Variants in RBFA observed in about 807,000 individuals in gnomAD.
The protein encoded by RBFA is ribosome binding factor A, also known as putative ribosome-binding factor A, mitochondrial.
In RBFA, 16 loss-of-function variants were observed where a neutral mutation model predicts 27.9. That is an observed-to-expected ratio of 0.57 (90% CI 0.39 to 0.87). RBFA has a LOEUF of 0.87. Among genes scored for constraint, RBFA ranks in the 40% least tolerant of loss-of-function variants. RBFA has a pLI of 0.00. For missense variants in RBFA, 456 were observed against 432.1 expected (o/e 1.06, Z -0.49); for synonymous variants, 181 against 181.0 (o/e 1.00, Z 0.00).
At chr18:80,045,126 A>G (rs541502382) in intron 6 of RBFA, among the ~76,000 whole-genome samples, 48 of 152,280 alleles carry the variant, frequency 3.2e-4, no homozygotes, top group African/African-American at 1.2e-3. Context: ...TAGACTCTTC[A>G]TGAAGGCGAA....
At chr18:80,040,017 C>A (rs942982213) in intron 4 of RBFA, among the ~76,000 whole-genome samples, 3 of 152,050 alleles carry the variant, frequency 2.0e-5, no homozygotes, top group Non-Finnish European at 4.4e-5. Flanking sequence ...TCAAGTGATT[C>A]TCATGCCTCA....
rs756693098 is a variant in RBFA, at chr18:80,045,769, C to G, written c.651-5C>G. The G allele has an allele frequency of 3.3e-6, 5 of 1,510,990 alleles. No homozygotes were observed. In the African/African-American group the frequency reaches 7.0e-5, roughly 21 times the overall value. The allele number at this position is 1,510,990 out of a possible 1,614,324, so 93.6% of individuals were successfully genotyped here. A position where few individuals can be genotyped will look rare whatever the true frequency, so the allele number is the denominator to read the frequency against. Reference sequence around the variant, plus strand: ...CTTGGTGTGAAGCCTCTTCTTCCTTCCCAGGGACCCTGATGCCCCACAACC... The same window carrying G: ...CTTGGTGTGAAGCCTCTTCTTCCTTGCCAGGGACCCTGATGCCCCACAACC... On this transcript the variant is annotated splice_polypyrimidine_tract_variant and splice_region_variant and intron_variant, in intron 6 of 6. Transcript: ENST00000306735.
chr18:80,036,288 G>T (rs533557700), intron 1 of RBFA, among the ~76,000 whole-genome samples: 1 of 152,080 alleles, frequency 6.6e-6, no homozygotes. Context: ...CCATCCATTT[G>T]CTTAATTGTT....
At position 80,046,403 on chromosome 18, in the gene RBFA, A is replaced by T; in HGVS notation, c.*248A>T. 1 of 503,346 alleles carries T rather than the reference A, an allele frequency of 2.0e-6. No homozygotes were observed. Among genetic ancestry groups the T allele is most frequent in the Non-Finnish European group, 3.5e-6 (1 of 282,302 alleles). 31.2% of individuals were successfully genotyped at this position (503,346 alleles called of 1,614,324 possible). A position where few individuals can be genotyped will look rare whatever the true frequency, so the allele number is the denominator to read the frequency against. On this transcript the variant is annotated 3_prime_UTR_variant, in exon 7 of 7. Transcript: ENST00000306735. ...AGATTCTCACAAAAAGAAAATGGTA[A>T]AATAGTGTCTCTGAGATGCTGGCAT...
At chr18:80,044,560 T>A (rs1252543156) in intron 6 of RBFA, among the ~76,000 whole-genome samples, 1 of 152,198 alleles carries the variant, frequency 6.6e-6, no homozygotes, top group Non-Finnish European at 1.5e-5. Context: ...AACACATTGT[T>A]TATTGAGTGC....
At position 80,042,224 on chromosome 18, in the gene RBFA, G is replaced by A. The variant is rs760962307; in HGVS notation, c.576+5G>A. The A allele has an allele frequency of 1.9e-6, 3 of 1,570,676 alleles. No homozygotes were observed. The East Asian group carries it at 6.8e-5, about 36-fold the overall frequency. The stretch of plus-strand genomic sequence containing the variant: ...GGAAATGCAGCTCTAGCTGAGGTAA[G>A]GTTTTCAAAAAAACTTTTTAAAATT... On this transcript the variant is annotated splice_donor_5th_base_variant and intron_variant, in intron 5 of 6. Transcript: ENST00000306735.
At position 80,048,018 on chromosome 18, in the gene RBFA, A is replaced by G. The variant is rs539361525; in HGVS notation, c.*1863A>G. 3.9e-5 allele frequency: 6 copies of G among 152,346 alleles called. No individual in the cohort carries two copies. Among genetic ancestry groups the G allele is most frequent in the South Asian group, 2.1e-4 (1 of 4,832 alleles). The allele number at this position is 152,346 out of a possible 1,614,324, so 9.4% of individuals were successfully genotyped here. ...TACTGGAACATGGCTATGTGAATTC[A>G]TTTATGTACAAGAGACCTCCCCATC... On this transcript the variant is annotated 3_prime_UTR_variant, in exon 7 of 7. Coordinates refer to ENST00000306735, the MANE Select transcript of RBFA (RefSeq NM_024805.3).
rs973638680 is a variant in RBFA, at chr18:80,048,714, T to G, written c.*2559T>G. ...GTTCTCATTTTCCAAATAAGGAATCTGAGGCCCAGGGAGAGGTGAAGTGCT... is the reference window on the plus strand; with the variant it reads ...GTTCTCATTTTCCAAATAAGGAATCGGAGGCCCAGGGAGAGGTGAAGTGCT... On this transcript the variant is annotated 3_prime_UTR_variant, in exon 7 of 7. Transcript: ENST00000306735. Among the ~76,000 whole-genome samples the G allele has an allele frequency of 3.3e-5, 5 of 152,250 alleles. No homozygotes were observed. Among genetic ancestry groups the G allele is most frequent in the African/African-American group, 1.2e-4 (5 of 41,476 alleles).
intron 5 of RBFA, among the ~76,000 whole-genome samples, chr18:80,043,674 C>T (rs1471772399): frequency 6.6e-6 from 1 of 152,162 alleles, no homozygotes; most frequent in East Asian, 1.9e-4. Context: ...AGGCAGGGTT[C>T]GGGTGGAATG....
chr18:80,034,443 T>A lies in RBFA; in HGVS notation c.-53T>A, dbSNP rs1288264491. 5.6e-6 allele frequency: 8 copies of A among 1,417,200 alleles called. No individual in the cohort carries two copies. Among genetic ancestry groups the A allele is most frequent in the Admixed American group, 3.5e-5 (1 of 28,470 alleles). The allele number at this position is 1,417,200 out of a possible 1,614,324, so 87.8% of individuals were successfully genotyped here. A position where few individuals can be genotyped will look rare whatever the true frequency, so the allele number is the denominator to read the frequency against. The stretch of plus-strand genomic sequence containing the variant: ...CCGCCACCCTCGCGTCAGTTGTCGC[T>A]CCGCGCCTGCGCCCGTTGTCTCCCT... On this transcript the variant is annotated 5_prime_UTR_variant, in exon 1 of 7. Transcript: ENST00000306735.
chr18:80,034,794 C>G (rs1460822471), intron 1 of RBFA, 141 bp downstream of exon 1: 3 of 962,890 alleles, frequency 3.1e-6, no homozygotes, highest in Admixed American at 3.7e-5. Context: ...TGCAGCAGTT[C>G]TAGCTCTCAC....
At chr18:80,042,320 C>T in intron 5 of RBFA, 101 bp downstream of exon 5, 1 of 601,138 alleles carries the variant, frequency 1.7e-6, no homozygotes, top group South Asian at 3.1e-5. Flanking sequence ...GAACTCCTGG[C>T]CTCAAGGGAT....
chr18:80,043,845 C>T (rs2052032745), intron 5 of RBFA, among the ~76,000 whole-genome samples: 1 of 152,206 alleles, frequency 6.6e-6, no homozygotes, highest in Non-Finnish European at 1.5e-5. Context: ...CCCCAAGGCA[C>T]ACAAATTCTG....
chr18:80,034,950 G>T (rs940222084), intron 1 of RBFA: 2 of 360,082 alleles, frequency 5.6e-6, no homozygotes, highest in Non-Finnish European at 1.0e-5. Context: ...AAAAATATAA[G>T]AATTTCCTTG....
At chr18:80,037,140 G>A (rs2051984685) in intron 2 of RBFA, 190 bp from the exon 3 acceptor site, 1 of 506,284 alleles carries the variant, frequency 2.0e-6, no homozygotes, top group East Asian at 3.0e-5. Context: ...TAATCTTGGA[G>A]GGTTACCAGG....
chr18:80,038,816 G>A (rs886462786), intron 4 of RBFA, among the ~76,000 whole-genome samples, 199 bp downstream of exon 4: 4 of 152,336 alleles, frequency 2.6e-5, no homozygotes, highest in Admixed American at 2.6e-4. Flanking sequence ...TTATTAAAGT[G>A]TGCCAGGATC....
intron 4 of RBFA, chr18:80,041,320 G>C (rs61532180): frequency 6.6e-6 from 1 of 152,222 alleles, no homozygotes; most frequent in Admixed American, 6.5e-5. Flanking sequence ...TAGGGTCACC[G>C]TTTTCCATAG....
chr18:80,039,065 C>T (rs939067066), intron 4 of RBFA, among the ~76,000 whole-genome samples: 5 of 152,198 alleles, frequency 3.3e-5, no homozygotes, highest in African/African-American at 9.7e-5. Context: ...CTGTAATCCC[C>T]GCAACTCGGG....
In RBFA at chr18:80,037,382, C is replaced by A; in HGVS notation, c.254C>A (p.Thr85Asn). 2 of 1,614,046 alleles carry A rather than the reference C, an allele frequency of 1.2e-6. No individual in the cohort carries two copies. The highest frequency in any genetic ancestry group is 1.7e-6 in the Non-Finnish European group (2 of 1,180,018). The change falls in exon 3 of 7, where the codon ACC (threonine) becomes AAC (asparagine). Residue 85 changes from threonine (T) to asparagine (N), a missense_variant. Coordinates refer to ENST00000306735, the MANE Select transcript of RBFA (RefSeq NM_024805.3). The part of the protein sequence containing the change: ...EFLMRSTSKK[T>N]RKEDHARLRA... ...CTCATGAGGAGCACCTCAAAGAAAA[C>A]CAGGAAGGAAGACCATGCGCGCCTG... is the stretch of plus-strand genomic sequence containing the variant.
Sources: allele counts gnomAD v4.1 joint callset (sites outside exome capture counted in the v4.1 genomes callset), GRCh38; gene constraint gnomAD v4.1.1; transcripts MANE v1.5; gene names NCBI Gene and HGNC (gene_info 2026-07-23, HGNC 2026-07-21).